Variants in CCDC15 observed in about 807,000 individuals in gnomAD.
The protein encoded by CCDC15 is coiled-coil domain containing 15, also known as coiled-coil domain-containing protein 15.
In CCDC15, 105 loss-of-function variants were observed where a neutral mutation model predicts 114.5. That is an observed-to-expected ratio of 0.92 (90% CI 0.78 to 1.08). CCDC15 has a LOEUF of 1.08. CCDC15 is among the 50% of genes least tolerant of loss of function. The pLI is 0.00. For synonymous variants in CCDC15, 334 were observed against 377.8 expected (o/e 0.88, Z 1.34); for missense variants, 1,105 against 1,093.6 (o/e 1.01, Z -0.15).
At chr11:124,966,804 G>A (rs1465831159) in intron 4 of CCDC15, among the ~76,000 whole-genome samples, 2 of 152,132 alleles carry the variant, frequency 1.3e-5, no homozygotes, top group Non-Finnish European at 2.9e-5. Context: ...CATGTTTAGT[G>A]CTTCCTTCAG....
intron 6 of CCDC15, 42 bp from the exon 7 acceptor site, chr11:124,986,700 T>TGTGA: frequency 2.2e-6 from 3 of 1,351,578 alleles, no homozygotes; most frequent in Non-Finnish European, 2.0e-6. Flanking sequence ...TTTGTGTGTG[T>TGTGA]GCGCGCGCGC....
intron 13 of CCDC15, among the ~76,000 whole-genome samples, chr11:125,032,846 A>G (rs190065381): frequency 6.6e-6 from 1 of 152,176 alleles, no homozygotes; most frequent in African/African-American, 2.4e-5. Flanking sequence ...TAATTACCTC[A>G]CCTTCATAAG....
chr11:124,994,172 CT>C (rs1218824883), intron 11 of CCDC15, among the ~76,000 whole-genome samples: 1 of 152,174 alleles, frequency 6.6e-6, no homozygotes, highest in Non-Finnish European at 1.5e-5. Flanking sequence ...TAGGCAGCAG[CT>C]ATCTGTTTGG....
chr11:124,970,261 A>G (rs958179102), intron 4 of CCDC15, among the ~76,000 whole-genome samples: 3 of 152,100 alleles, frequency 2.0e-5, no homozygotes, highest in African/African-American at 7.2e-5. Flanking sequence ...CTAGTTTATT[A>G]TCTGAGGTAA....
intron 13 of CCDC15, among the ~76,000 whole-genome samples, chr11:125,031,325 T>C (rs1237053874): frequency 6.6e-6 from 1 of 152,224 alleles, no homozygotes; most frequent in East Asian, 1.9e-4. Context: ...CATGAGGCCA[T>C]TGGTGCAGGC....
At chr11:125,031,988 C>T (rs946298167) in intron 13 of CCDC15, among the ~76,000 whole-genome samples, 6 of 152,212 alleles carry the variant, frequency 3.9e-5, no homozygotes, top group African/African-American at 1.4e-4. Context: ...GAAGGAATAT[C>T]TCGACAGGTC....
chr11:124,959,322 T>C (rs943941530), intron 3 of CCDC15, 58 bp downstream of exon 3: 2 of 1,402,102 alleles, frequency 1.4e-6, no homozygotes, highest in Admixed American at 2.8e-5. Flanking sequence ...TGTTATGAGA[T>C]AAGCTATTAG....
chr11:125,027,627 A>G (rs1365673008), intron 13 of CCDC15, among the ~76,000 whole-genome samples: 1 of 149,314 alleles, frequency 6.7e-6, no homozygotes, highest in East Asian at 2.0e-4. Context: ...TAGATTCTGG[A>G]TATTAGTCCT....
chr11:125,035,660 T>A (rs1393066115), intron 13 of CCDC15, among the ~76,000 whole-genome samples: 1 of 152,178 alleles, frequency 6.6e-6, no homozygotes, highest in African/African-American at 2.4e-5. Context: ...TTTCTTCTTC[T>A]TTCCTGTCTT....
In CCDC15 at chr11:125,040,764, T is replaced by G; in HGVS notation, c.*53T>G. 1.3e-6 allele frequency: 2 copies of G among 1,484,382 alleles called. No individual in the cohort carries two copies. The highest frequency in any genetic ancestry group is 1.2e-5 in the South Asian group (1 of 83,810). 92.0% of individuals were successfully genotyped at this position (1,484,382 alleles called of 1,614,324 possible). ...TTTGGCTTTTACTTAAAATCATCCC[T>G]GAGAGAGTATTTAAGAAAAGCTGTT... On this transcript the variant is annotated 3_prime_UTR_variant, in exon 16 of 16. Transcript: ENST00000344762.
intron 4 of CCDC15, among the ~76,000 whole-genome samples, chr11:124,961,993 C>A (rs1947669194): frequency 6.6e-6 from 1 of 151,984 alleles, no homozygotes; most frequent in African/African-American, 2.4e-5. Flanking sequence ...TTATGAAAAA[C>A]CTTAAATGTC....
chr11:124,954,627 T>G, intron 1 of CCDC15, 97 bp from the exon 2 acceptor site: 4 of 1,024,370 alleles, frequency 3.9e-6, no homozygotes, highest in Non-Finnish European at 5.8e-6. Context: ...CCTCCAGGGC[T>G]TCTCTCCTTT....
intron 6 of CCDC15, among the ~76,000 whole-genome samples, chr11:124,983,339 C>G (rs544067104): frequency 6.6e-6 from 1 of 152,276 alleles, no homozygotes; most frequent in South Asian, 2.1e-4. Flanking sequence ...CTAGTGCAGT[C>G]ATTTGAGGTA....
intron 8 of CCDC15, 49 bp from the exon 9 acceptor site, chr11:124,991,412 T>C: frequency 7.7e-7 from 1 of 1,302,970 alleles, no homozygotes; most frequent in Non-Finnish European, 1.0e-6. Flanking sequence ...ATTGCCATCA[T>C]ATTAGTCTTG....
At chr11:124,962,593 A>G (rs955542799) in intron 4 of CCDC15, among the ~76,000 whole-genome samples, 3 of 151,942 alleles carry the variant, frequency 2.0e-5, no homozygotes, top group Non-Finnish European at 4.4e-5. Flanking sequence ...TTTTAATTAA[A>G]TGTTAAAAAA....
In CCDC15 at chr11:124,992,582, A is replaced by G. The variant is rs1258444136; in HGVS notation, c.2034A>G (p.Gln678=). 6.3e-7 allele frequency: 1 copy of G among 1,576,186 alleles called. No individual in the cohort carries two copies. Among genetic ancestry groups the G allele is most frequent in the African/African-American group, 1.4e-5 (1 of 73,898 alleles). ...SQDQDDIKNQ[Q]PASFMREERV... is the part of the protein sequence containing the mutation. ...TCCTTTAAAATATGTTTCTCAAGCA[A>G]CCTGCATCTTTTATGAGAGAAGAAA... is the stretch of plus-strand genomic sequence containing the variant. Residue 678 remains glutamine (Q), a splice_region_variant and synonymous_variant, in exon 10 of 16, where the codon CAA becomes CAG. Transcript: ENST00000344762.
intron 6 of CCDC15, 112 bp downstream of exon 6, chr11:124,977,712 T>TAA: frequency 1.9e-6 from 2 of 1,079,076 alleles, no homozygotes; most frequent in Non-Finnish European, 2.5e-6. Context: ...TTAACGGACT[T>TAA]TATTGAGATA....
chr11:124,982,141 G>GGTA (rs1486640883), intron 6 of CCDC15, among the ~76,000 whole-genome samples: 1 of 152,000 alleles, frequency 6.6e-6, no homozygotes, highest in Non-Finnish European at 1.5e-5. Flanking sequence ...CCATTTGCTT[G>GGTA]GTAGATTTTT....
Position 125,040,863 on chromosome 11 carries a change from C to G in CCDC15, c.*152C>G, listed in dbSNP as rs1948812626. Reference sequence around the variant, plus strand: ...ATTAGATTGTAATCATTGTTTTAATCTCTGTCTGGGAACCAAGATTGAAAG... The same window carrying G: ...ATTAGATTGTAATCATTGTTTTAATGTCTGTCTGGGAACCAAGATTGAAAG... On this transcript the variant is annotated 3_prime_UTR_variant, in exon 16 of 16. Transcript: ENST00000344762. 2.7e-6 allele frequency: 2 copies of G among 728,142 alleles called. No individual in the cohort carries two copies. 45.1% of individuals were successfully genotyped at this position (728,142 alleles called of 1,614,324 possible). A position where few individuals can be genotyped will look rare whatever the true frequency, so the allele number is the denominator to read the frequency against.
Sources: allele counts gnomAD v4.1 joint callset (sites outside exome capture counted in the v4.1 genomes callset), GRCh38; gene constraint gnomAD v4.1.1; transcripts MANE v1.5; gene names NCBI Gene and HGNC (gene_info 2026-07-23, HGNC 2026-07-21).